AGAP3: variants seen among roughly 807,000 people sequenced by gnomAD.
The protein encoded by AGAP3 is arf-GAP with GTPase, ANK repeat and PH domain-containing protein 3.
AGAP3 carries 24 observed loss-of-function variants against 96.9 expected under a neutral mutation model. The ratio of observed to expected loss-of-function variants is 0.25; its 90% CI spans 0.18 to 0.35. The LOEUF (loss-of-function observed/expected upper bound fraction) is 0.35, where lower values mean the gene tolerates loss of function less well. AGAP3 is among the 10% of genes least tolerant of loss of function. AGAP3 has a pLI of 1.00. For synonymous variants in AGAP3, 563 were observed against 536.1 expected, an observed-to-expected ratio of 1.05 and a Z score of -0.69; for missense variants, 876 against 1,254.2, an observed-to-expected ratio of 0.70 and a Z score of 4.55.
chr7:151,138,716 CG>C (rs957578257), intron 12 of AGAP3, among the ~76,000 whole-genome samples: 3 of 152,162 alleles, frequency 2.0e-5, no homozygotes, highest in Non-Finnish European at 4.4e-5. Flanking sequence ...GGCAGGGGGA[CG>C]GGGAAGCGGC....
Position 151,114,930 on chromosome 7 carries a change from C to G in AGAP3, c.332-1863C>G, listed in dbSNP as rs2150455903. 7 of 986,442 alleles carry G rather than the reference C, an allele frequency of 7.1e-6. No individual in the cohort carries two copies. The highest frequency in any genetic ancestry group is 3.5e-5 in the African/African-American group (2 of 56,876). 61.1% of individuals were successfully genotyped at this position (986,442 alleles called of 1,614,324 possible). A position where few individuals can be genotyped will look rare whatever the true frequency, so the allele number is the denominator to read the frequency against. On this transcript the variant is annotated intron_variant, in intron 1 of 17. Coordinates refer to ENST00000397238, the MANE Select transcript of AGAP3 (RefSeq NM_031946.7). The surrounding 1 kb of genome is among the most constrained non-coding windows in gnomAD (Gnocchi z 4.4). ...CGCCCTCTGCGCCGCCAGTGAGCAG[C>G]CGGCGCGGCCGCGGAGCGTGTGCTC...
chr7:151,116,842 G>A lies in AGAP3; in HGVS notation c.381G>A (p.Glu127=), dbSNP rs756962538. 1.2e-6 allele frequency: 2 copies of A among 1,614,130 alleles called. No individual in the cohort carries two copies. The highest frequency in any genetic ancestry group is 1.7e-5 in the Admixed American group (1 of 60,024). ...QEWTLSRSVP[E]LKVGIVGNLS... is the part of the protein sequence containing the mutation. ...GGACGCTGAGCCGCTCCGTACCGGA[G>A]CTTAAAGTGGTGAGTGTGGCCCATG... The change falls in exon 2 of 18, where the codon GAG becomes GAA. Residue 127 remains glutamate, a synonymous_variant. Transcript: ENST00000397238.
intron 8 of AGAP3, 65 bp from the exon 9 acceptor site, chr7:151,123,729 G>A (rs1800030673): frequency 6.3e-7 from 1 of 1,596,194 alleles, no homozygotes; most frequent in Non-Finnish European, 8.6e-7. Flanking sequence ...AGGCCGGGAA[G>A]TCCAGGTGGG....
chr7:151,134,450 G>T lies in AGAP3; in HGVS notation c.1377G>T (p.Thr459=). ...HGKEIDLLRT[T]VKVPGKRLPR... ...AGGAGATTGACCTGCTGCGGACAAC[G>T]GTGAAAGTGCCAGGGAAGCGCCTGC... The change falls in exon 11 of 18, where the codon ACG becomes ACT. Residue 459 remains threonine, a synonymous_variant. Coordinates refer to ENST00000397238, the MANE Select transcript of AGAP3 (RefSeq NM_031946.7). 1.2e-6 allele frequency: 2 copies of T among 1,613,456 alleles called. No homozygotes were observed. Among genetic ancestry groups the T allele is most frequent in the East Asian group, 2.2e-5 (1 of 44,874 alleles).
At chr7:151,091,223 C>CT (rs1798386182) in intron 1 of AGAP3, among the ~76,000 whole-genome samples, 1 of 152,194 alleles carries the variant, frequency 6.6e-6, no homozygotes, top group Admixed American at 6.5e-5. Flanking sequence ...AAGATGAGGA[C>CT]TGGGGGGGTC....
chr7:151,111,578 G>C (rs994076349), intron 1 of AGAP3, among the ~76,000 whole-genome samples: 9 of 137,236 alleles, frequency 6.6e-5, no homozygotes, highest in Non-Finnish European at 1.3e-4. Flanking sequence ...TGACCCCCCC[G>C]GCCCCTCACC....
At chr7:151,098,733 C>CTTT (rs34617813) in intron 1 of AGAP3, among the ~76,000 whole-genome samples, 11 of 116,128 alleles carry the variant, frequency 9.5e-5, no homozygotes, top group South Asian at 2.8e-4. Context: ...ATTTTCTTTT[C>CTTT]TTTTTTTTTT....
chr7:151,102,036 C>A (rs539289956), intron 1 of AGAP3, among the ~76,000 whole-genome samples: 1 of 152,312 alleles, frequency 6.6e-6, no homozygotes, highest in East Asian at 1.9e-4. Context: ...CAGATGACAG[C>A]CTGCTTAGGC....
chr7:151,124,412 T>C (rs1800071306), intron 9 of AGAP3, among the ~76,000 whole-genome samples: 2 of 152,228 alleles, frequency 1.3e-5, no homozygotes. Context: ...ACCTCCGGTC[T>C]TGGATTCCTG....
At chr7:151,095,701 CAAAAAAAAAAAA>C (rs35926416) in intron 1 of AGAP3, among the ~76,000 whole-genome samples, 61 of 83,028 alleles carry the variant, frequency 7.3e-4, no homozygotes, top group Middle Eastern at 7.9e-3. Flanking sequence ...CACAGTTGTA[CAAAAAAAAAAAA>C]AAAAAAAAAA....
At chr7:151,115,398 C>T in intron 1 of AGAP3, 4 of 1,019,800 alleles carry the variant, frequency 3.9e-6, no homozygotes, top group Non-Finnish European at 4.7e-6. Flanking sequence ...GCTGCTGGCC[C>T]GGCCGCCGCG....
At chr7:151,124,974 C>T (rs1202047056) in intron 9 of AGAP3, among the ~76,000 whole-genome samples, 1 of 152,202 alleles carries the variant, frequency 6.6e-6, no homozygotes, top group Non-Finnish European at 1.5e-5. Flanking sequence ...ACTGGAGGGC[C>T]CCCTGGAAAG....
At chr7:151,117,487 C>T (rs371386280) in intron 4 of AGAP3, 31 bp downstream of exon 4, 90 of 1,613,636 alleles carry the variant, frequency 5.6e-5, no homozygotes, top group Admixed American at 2.8e-4. Context: ...TAGGGCCCAC[C>T]GCTGTGCCTG....
Position 151,105,818 on chromosome 7 carries a change from A to G in AGAP3, c.332-10975A>G, listed in dbSNP as rs1437633471. On this transcript the variant is annotated intron_variant, in intron 1 of 17. Transcript: ENST00000397238. ...CACACACACACACACACACACACAC[A>G]CACACACACACACAGTCAAGCATTG... Among the ~76,000 whole-genome samples the G allele has an allele frequency of 3.8e-5, 4 of 106,634 alleles. No individual in the cohort carries two copies. In the East Asian group the frequency reaches 1.2e-3, roughly 33 times the overall value. The allele number at this position is 106,634 out of a possible 152,430, so 70.0% of individuals were successfully genotyped here.
intron 8 of AGAP3, among the ~76,000 whole-genome samples, chr7:151,122,289 C>T (rs1246487040): frequency 3.3e-5 from 5 of 152,222 alleles, no homozygotes; most frequent in African/African-American, 1.2e-4. Context: ...TGGCACTTTG[C>T]TCTCCGGCGG....
chr7:151,129,681 C>T (rs933337591), intron 10 of AGAP3, among the ~76,000 whole-genome samples: 1 of 152,154 alleles, frequency 6.6e-6, no homozygotes. Context: ...AGCTCCTGAG[C>T]TCCCGCCCGA....
At chr7:151,138,473 T>C (rs1260067841) in intron 12 of AGAP3, among the ~76,000 whole-genome samples, 160 bp downstream of exon 12, 2 of 152,326 alleles carry the variant, frequency 1.3e-5, no homozygotes, top group Admixed American at 6.5e-5. Flanking sequence ...AGAGAGACCC[T>C]GCTTCGGGGC....
chr7:151,141,957 G>A lies in AGAP3; in HGVS notation c.1864G>A (p.Glu622Lys), dbSNP rs904527221. The A allele has an allele frequency of 1.2e-6, 2 of 1,614,190 alleles. No individual in the cohort carries two copies. The highest frequency in any genetic ancestry group is 1.7e-6 in the Non-Finnish European group (2 of 1,180,016). Residue 622 changes from glutamate to lysine, a missense_variant, in exon 14 of 18, where the codon GAG becomes AAG. By Grantham distance (56) the Glu-to-Lys change is moderately conservative (BLOSUM62 1). Coordinates refer to ENST00000397238, the MANE Select transcript of AGAP3 (RefSeq NM_031946.7). The surrounding 1 kb of genome is among the most constrained non-coding windows in gnomAD (Gnocchi z 4.2). ...VSLTGQTWHF[E>K]ASTAEERELW... ...CCTCACTGGGCAGACGTGGCACTTC[G>A]AGGCTTCAACGGCGGAGGAGCGGGA...
chr7:151,095,443 C>T (rs1007133121), intron 1 of AGAP3, among the ~76,000 whole-genome samples: 1 of 152,140 alleles, frequency 6.6e-6, no homozygotes, highest in Non-Finnish European at 1.5e-5. Context: ...AGCAGCTTCC[C>T]TTTAGCCTTT....
Sources: allele counts gnomAD v4.1 joint callset (sites outside exome capture counted in the v4.1 genomes callset), GRCh38; gene constraint gnomAD v4.1.1; non-coding constraint Gnocchi (gnomAD v3.1); transcripts MANE v1.5; gene names NCBI Gene and HGNC (gene_info 2026-07-23, HGNC 2026-07-21).